Variants in NAA60 observed in about 807,000 individuals in gnomAD.
The protein encoded by NAA60 is N-alpha-acetyltransferase 60, NatF catalytic subunit, also known as N-alpha-acetyltransferase 60.
In NAA60, 8 loss-of-function variants were observed where a neutral mutation model predicts 26.1. The ratio of observed to expected loss-of-function variants is 0.31; its 90% CI spans 0.18 to 0.55. NAA60 has a LOEUF of 0.55. Ranked by LOEUF, NAA60 falls within the 20% of genes least tolerant of loss-of-function variation. The pLI, the probability that NAA60 is intolerant of heterozygous loss-of-function variation, is 0.93. For missense variants in NAA60, 290 were observed against 311.3 expected (o/e 0.93, Z 0.51); for synonymous variants, 131 against 122.5 (o/e 1.07, Z -0.46).
chr16:3,450,360 A>T lies in NAA60; in HGVS notation c.-7+1820A>T, dbSNP rs532933511. 2.9e-4 allele frequency among the ~76,000 whole-genome samples: 44 copies of T among 152,224 alleles called. 2 individuals are homozygous for T. The highest frequency in any genetic ancestry group is 2.5e-3 in the Admixed American group (39 of 15,298). On this transcript the variant is annotated intron_variant, in intron 2 of 7. Coordinates refer to ENST00000407558, the MANE Select transcript of NAA60 (RefSeq NM_001083601.3). The stretch of plus-strand genomic sequence containing the variant: ...AAAATGTTCTCAGGGTCTGCCTAGG[A>T]AGGCTGGTTTTGGAAGCTTGTGGAT...
At position 3,448,456 on chromosome 16, in the gene NAA60, CT is replaced by C; in HGVS notation, c.-76-12del. 1 of 1,534,998 alleles carries C rather than the reference CT, an allele frequency of 6.5e-7. No individual in the cohort carries two copies. Among genetic ancestry groups the C allele is most frequent in the Non-Finnish European group, 8.7e-7 (1 of 1,146,468 alleles). The stretch of plus-strand genomic sequence containing the variant: ...CAGGAGTGAAGTGATGGCCTTGTGT[CT>C]TTCTCCCCTGCAGCATACAGAAAGG... On this transcript the variant is annotated splice_polypyrimidine_tract_variant and intron_variant, in intron 1 of 7. Coordinates refer to ENST00000407558, the MANE Select transcript of NAA60 (RefSeq NM_001083601.3).
chr16:3,474,077 C>T (rs1445183740), intron 2 of NAA60, among the ~76,000 whole-genome samples: 2 of 140,738 alleles, frequency 1.4e-5, no homozygotes, highest in Admixed American at 7.0e-5. Context: ...GATCCAGAAC[C>T]GTGGGAACAA....
intron 2 of NAA60, among the ~76,000 whole-genome samples, chr16:3,460,988 A>C (rs1158065728): frequency 6.6e-6 from 1 of 152,106 alleles, no homozygotes; most frequent in Non-Finnish European, 1.5e-5. Context: ...GGCTGGTCTC[A>C]AATTCCTGGC....
At chr16:3,472,113 C>T (rs1390298681) in intron 2 of NAA60, 1 of 152,264 alleles carries the variant, frequency 6.6e-6, no homozygotes, top group East Asian at 1.9e-4. Context: ...CGTTTTGAGA[C>T]CTCAGTGGAG....
At chr16:3,447,063 G>A (rs1257411181) in intron 1 of NAA60, among the ~76,000 whole-genome samples, 1 of 151,942 alleles carries the variant, frequency 6.6e-6, no homozygotes, top group Non-Finnish European at 1.5e-5. Context: ...GGCTGGTCTC[G>A]AACTCCTGAC....
At chr16:3,464,472 G>A (rs938363681) in intron 2 of NAA60, among the ~76,000 whole-genome samples, 1 of 152,164 alleles carries the variant, frequency 6.6e-6, no homozygotes. Flanking sequence ...TCTGAAACCC[G>A]ACCCTCTCTT....
chr16:3,466,676 C>T (rs117997735), intron 2 of NAA60, among the ~76,000 whole-genome samples: 46 of 152,260 alleles, frequency 3.0e-4, no homozygotes, highest in Non-Finnish European at 6.2e-4. Context: ...GCTAATCTCC[C>T]TTGAGCTTCT....
At chr16:3,473,013 G>A (rs544810214) in intron 2 of NAA60, among the ~76,000 whole-genome samples, 68 of 26,026 alleles carry the variant, frequency 2.6e-3, no homozygotes, top group South Asian at 0.019. Context: ...TTTGTCATCT[G>A]TTTTGTTTTG....
intron 2 of NAA60, among the ~76,000 whole-genome samples, chr16:3,470,332 G>T (rs1204515362): frequency 6.6e-6 from 1 of 152,214 alleles, no homozygotes; most frequent in Non-Finnish European, 1.5e-5. Flanking sequence ...CAGCCTGTAG[G>T]TGAAGGTGCC....
chr16:3,467,739 A>G (rs1596322031), intron 2 of NAA60: 1 of 152,222 alleles, frequency 6.6e-6, no homozygotes, highest in East Asian at 1.9e-4. Context: ...GGTGCTGGAG[A>G]CATCTTGGCG....
At chr16:3,483,088 C>T (rs1029107015) in intron 5 of NAA60, among the ~76,000 whole-genome samples, 4 of 152,242 alleles carry the variant, frequency 2.6e-5, no homozygotes, top group African/African-American at 9.6e-5. Context: ...CACATTTACC[C>T]TGTTTGTTGT....
chr16:3,477,540 C>T (rs1444110712), intron 3 of NAA60, among the ~76,000 whole-genome samples: 1 of 151,414 alleles, frequency 6.6e-6, no homozygotes, highest in African/African-American at 2.4e-5. Context: ...GTGGCTCACG[C>T]CTGTAATCCC....
rs1016081386 is a variant in NAA60, at chr16:3,479,404, G to T, written c.111-67G>T. On this transcript the variant is annotated intron_variant, in intron 3 of 7. Transcript: ENST00000407558. ...GCCCAGAGCTCCCTGTGGTTCTGATGTCTAGAGCACGACCATAGTTGGACT... is the reference window on the plus strand; with the variant it reads ...GCCCAGAGCTCCCTGTGGTTCTGATTTCTAGAGCACGACCATAGTTGGACT... The T allele has an allele frequency of 1.9e-6, 3 of 1,572,016 alleles. No homozygotes were observed. In the African/African-American group the frequency reaches 4.0e-5, roughly 21 times the overall value.
intron 2 of NAA60, among the ~76,000 whole-genome samples, chr16:3,452,235 T>A (rs893572789): frequency 6.6e-6 from 1 of 151,704 alleles, no homozygotes; most frequent in Non-Finnish European, 1.5e-5. Context: ...AAAGACTAAT[T>A]CCCTATGTTG....
In NAA60 at chr16:3,443,745, AGGGT is replaced by A. The variant is rs1401423845; in HGVS notation, c.-167_-164del. 51 of 1,529,662 alleles carry A rather than the reference AGGGT, an allele frequency of 3.3e-5. No individual in the cohort carries two copies. The highest frequency in any genetic ancestry group is 4.0e-5 in the Non-Finnish European group (46 of 1,143,778). The allele number at this position is 1,529,662 out of a possible 1,614,324, so 94.8% of individuals were successfully genotyped here. A position where few individuals can be genotyped will look rare whatever the true frequency, so the allele number is the denominator to read the frequency against. On this transcript the variant is annotated 5_prime_UTR_variant, in exon 1 of 8. Coordinates refer to ENST00000407558, the MANE Select transcript of NAA60 (RefSeq NM_001083601.3). ...TGTTTGCCTGCTGAAGTAGAGTCTT[AGGGT>A]GACCCCAGGGGGACGTAATGTTTCC...
intron 2 of NAA60, among the ~76,000 whole-genome samples, chr16:3,462,094 A>AAAAAAAC (rs1555485997): frequency 6.6e-6 from 1 of 151,704 alleles, no homozygotes; most frequent in African/African-American, 2.4e-5. Context: ...ATCAAAAAAA[A>AAAAAAAC]AAAAAAAAAA....
intron 2 of NAA60, among the ~76,000 whole-genome samples, chr16:3,461,958 G>C (rs976522920): frequency 6.6e-6 from 1 of 151,982 alleles, no homozygotes; most frequent in East Asian, 1.9e-4. Context: ...ATGGTGGTGC[G>C]CATCTGTCAT....
intron 2 of NAA60, among the ~76,000 whole-genome samples, chr16:3,457,699 C>T (rs1890707055): frequency 6.6e-6 from 1 of 152,218 alleles, no homozygotes. Context: ...GATGCGCCTG[C>T]CAGGGCCTGT....
intron 2 of NAA60, among the ~76,000 whole-genome samples, chr16:3,461,108 G>T (rs1468574364): frequency 6.6e-6 from 1 of 151,988 alleles, no homozygotes. Context: ...AGGCTGGCAG[G>T]ACAGTTCAGG....
Sources: gnomAD v4.1 joint callset for allele counts (sites outside exome capture counted in the v4.1 genomes callset) on GRCh38, gnomAD v4.1.1 for gene constraint, MANE v1.5 for transcripts, NCBI Gene and HGNC (gene_info 2026-07-23, HGNC 2026-07-21) for gene names.